The following LIPA variants were observed in gnomAD, a reference collection of about 807,000 sequenced individuals.
LIPA encodes the protein lipase A, lysosomal acid type.
Under a neutral mutation model 40.6 loss-of-function variants are expected in LIPA, and 26 were observed. The observed-to-expected ratio is 0.64, with a 90% CI of 0.47 to 0.89. The LOEUF (loss-of-function observed/expected upper bound fraction) is 0.89, where lower values mean the gene tolerates loss of function less well. Ranked by LOEUF, LIPA falls within the 40% of genes least tolerant of loss-of-function variation. The pLI, the probability that LIPA is intolerant of heterozygous loss-of-function variation, is 0.00. For synonymous variants in LIPA, 188 were observed against 168.4 expected, an observed-to-expected ratio of 1.12 and a Z score of -0.90; for missense variants, 455 against 479.6, an observed-to-expected ratio of 0.95 and a Z score of 0.48.
At chr10:89,293,696 G>GAGAGAGAA (rs1843391511) in intron 1 of LIPA, 1 of 151,944 alleles carries the variant, frequency 6.6e-6, no homozygotes. Flanking sequence ...GAGAGAGAGA[G>GAGAGAGAA]AGAGAGAGAG....
chr10:89,315,313 C>G (rs1432815746), intron 1 of LIPA, among the ~76,000 whole-genome samples: 1 of 152,262 alleles, frequency 6.6e-6, no homozygotes, highest in East Asian at 1.9e-4. Flanking sequence ...TTAAGTTAAA[C>G]AACCAATCAG....
At chr10:89,321,763 T>A (rs57947325) in intron 1 of LIPA, among the ~76,000 whole-genome samples, 5,961 of 152,230 alleles carry the variant, frequency 0.039, 384 homozygotes, top group African/African-American at 0.13. Flanking sequence ...TAAAGACACA[T>A]GTACACGTAT....
chr10:89,311,901 G>C (rs1164919146), intron 1 of LIPA, among the ~76,000 whole-genome samples: 34 of 152,092 alleles, frequency 2.2e-4, no homozygotes, highest in Admixed American at 2.2e-3. Flanking sequence ...ATAGATCACA[G>C]AAAAATAAAA....
intron 1 of LIPA, among the ~76,000 whole-genome samples, chr10:89,310,299 G>C (rs1315213285): frequency 6.6e-6 from 1 of 152,108 alleles, no homozygotes; most frequent in Admixed American, 6.5e-5. Flanking sequence ...CTTGAGTCAT[G>C]CTGCACTTTC....
rs1162756419 is a variant in LIPA at position 89,215,923 on chromosome 10, G to A, written c.966+15C>T. ...TTTTCAGGGCCCCCTTTAATGAAAA[G>A]ACTAAAAACTTTACCTGGTTGTAAT... On this transcript the variant is annotated intron_variant, in intron 9 of 9. Transcript: ENST00000336233. 7 of 1,567,998 alleles carry A rather than the reference G, an allele frequency of 4.5e-6. No homozygotes were observed. Among genetic ancestry groups the A allele is most frequent in the Non-Finnish European group, 5.3e-6 (6 of 1,138,036 alleles).
intron 3 of LIPA, among the ~76,000 whole-genome samples, chr10:89,239,946 C>A (rs1017861018): frequency 1.3e-5 from 2 of 152,174 alleles, no homozygotes; most frequent in Admixed American, 1.3e-4. Context: ...TCTGCCACCA[C>A]GGCCTGTCCT....
chr10:89,404,024 A>ACGGCGACCACCG, intron 2 of LIPA: 1 of 210,482 alleles, frequency 4.8e-6, no homozygotes, highest in South Asian at 1.4e-4. Flanking sequence ...AAATAAAAAT[A>ACGGCGACCACCG]AAATCCTTAG....
At chr10:89,290,392 C>T (rs931239692) in intron 1 of LIPA, among the ~76,000 whole-genome samples, 2 of 152,112 alleles carry the variant, frequency 1.3e-5, no homozygotes, top group Non-Finnish European at 2.9e-5. Context: ...TAGAAGCAGC[C>T]CTGAGAAACA....
intron 2 of LIPA, among the ~76,000 whole-genome samples, chr10:89,377,752 C>T (rs1162916521): frequency 6.6e-6 from 1 of 152,188 alleles, no homozygotes; most frequent in African/African-American, 2.4e-5. Flanking sequence ...TGACATGATT[C>T]ACAAAAATAT....
intron 2 of LIPA, among the ~76,000 whole-genome samples, chr10:89,387,136 GA>G (rs1326759166): frequency 1.3e-5 from 2 of 151,922 alleles, no homozygotes; most frequent in African/African-American, 4.8e-5. Context: ...CTAACACAGT[GA>G]AACCCCGCCT....
At chr10:89,361,322 T>C (rs1438885130) in intron 2 of LIPA, among the ~76,000 whole-genome samples, 3 of 152,204 alleles carry the variant, frequency 2.0e-5, no homozygotes, top group African/African-American at 7.2e-5. Context: ...GACACTGAGT[T>C]TATTCAGAAA....
At chr10:89,413,245 A>T (rs1841490999) in intron 1 of LIPA, among the ~76,000 whole-genome samples, 1 of 152,202 alleles carries the variant, frequency 6.6e-6, no homozygotes, top group Non-Finnish European at 1.5e-5. Flanking sequence ...TTTTCTATTA[A>T]CTTATCAGTT....
intron 2 of LIPA, chr10:89,403,191 A>G: frequency 1.2e-6 from 2 of 1,614,142 alleles, no homozygotes; most frequent in Non-Finnish European, 8.5e-7. Flanking sequence ...CAAGGAGGCT[A>G]CAAAAGGGCA....
Position 89,361,571 on chromosome 10 carries a change from A to G in LIPA, c.61+51220T>C, listed in dbSNP as rs1844021852. Among the ~76,000 whole-genome samples the G allele has an allele frequency of 2.0e-5, 3 of 152,202 alleles. No homozygotes were observed. In the South Asian group the frequency reaches 6.2e-4, roughly 32 times the overall value. On this transcript the variant is annotated intron_variant, in intron 2 of 8. Coordinates refer to the LIPA transcript ENST00000371837. ...ATCCTGAGAAACGAAAGTGTCATAT[A>G]GCATTGAGGAGTTCAAAACCTATCT...
chr10:89,336,675 T>G (rs1438157972), intron 1 of LIPA, among the ~76,000 whole-genome samples: 3 of 152,232 alleles, frequency 2.0e-5, no homozygotes, highest in Non-Finnish European at 4.4e-5. Flanking sequence ...CTTTTCTATC[T>G]TTTAAAATAA....
chr10:89,272,447 C>T (rs1024090910), intron 1 of LIPA, among the ~76,000 whole-genome samples: 10 of 152,190 alleles, frequency 6.6e-5, no homozygotes, highest in African/African-American at 2.2e-4. Flanking sequence ...TTTATTGCTG[C>T]GTAGTATTCC....
intron 2 of LIPA, chr10:89,405,717 CCTT>C (rs1844518856): frequency 6.6e-6 from 1 of 152,236 alleles, no homozygotes; most frequent in Non-Finnish European, 1.5e-5. Context: ...CTTCACATCT[CCTT>C]CTCTCCTCTG....
intron 1 of LIPA, among the ~76,000 whole-genome samples, chr10:89,266,945 C>A (rs1843239116): frequency 6.6e-6 from 1 of 152,262 alleles, no homozygotes; most frequent in South Asian, 2.1e-4. Context: ...TACAAATATT[C>A]CTGAAGTGTA....
At chr10:89,359,142 G>A (rs1844005345) in intron 2 of LIPA, among the ~76,000 whole-genome samples, 1 of 152,168 alleles carries the variant, frequency 6.6e-6, no homozygotes, top group African/African-American at 2.4e-5. Context: ...ACCCGTCCGT[G>A]ATCTTGGGCC....
Sources: gnomAD v4.1 joint callset for allele counts (sites outside exome capture counted in the v4.1 genomes callset) on GRCh38, gnomAD v4.1.1 for gene constraint, MANE v1.5 for transcripts, NCBI Gene and HGNC (gene_info 2026-07-23, HGNC 2026-07-21) for gene names.